The following ABCA10 variants were observed in gnomAD, a reference collection of about 807,000 sequenced individuals.
ABCA10 encodes the protein ATP-binding cassette sub-family A member 10.
In ABCA10, 169 loss-of-function variants were observed where a neutral mutation model predicts 187.5. The ratio of observed to expected loss-of-function variants is 0.90; its 90% CI spans 0.80 to 1.02. The LOEUF is 1.02. Among genes scored for constraint, ABCA10 ranks in the 50% least tolerant of loss-of-function variants. The probability of loss-of-function intolerance (pLI) is 0.00; values close to 1 mark genes in which losing one functional copy is unlikely to be tolerated. For synonymous variants in ABCA10, 574 were observed against 601.8 expected, an observed-to-expected ratio of 0.95 and a Z score of 0.68; for missense variants, 1,727 against 1,812.4, an observed-to-expected ratio of 0.95 and a Z score of 0.86.
intron 9 of ABCA10, among the ~76,000 whole-genome samples, chr17:69,202,796 G>T (rs8078720): frequency 2.0e-5 from 3 of 152,194 alleles, no homozygotes; most frequent in Admixed American, 2.0e-4. Flanking sequence ...TTAGAGTAGA[G>T]AATACAAGTG....
At chr17:69,225,116 A>AAAAC (rs145436046) in intron 3 of ABCA10, among the ~76,000 whole-genome samples, 3 of 151,450 alleles carry the variant, frequency 2.0e-5, no homozygotes, top group African/African-American at 7.3e-5. Context: ...CATATCATTA[A>AAAAC]AAACAAACAA....
chr17:69,154,520 G>C (rs1350945042), intron 30 of ABCA10, among the ~76,000 whole-genome samples, 194 bp from the exon 31 acceptor site: 3 of 150,894 alleles, frequency 2.0e-5, no homozygotes, highest in African/African-American at 7.3e-5. Flanking sequence ...GATCTCCTGG[G>C]CTCAAGCGAT....
chr17:69,176,491 A>C (rs1047698082), intron 22 of ABCA10, among the ~76,000 whole-genome samples: 1 of 152,126 alleles, frequency 6.6e-6, no homozygotes, highest in African/African-American at 2.4e-5. Context: ...GGCAAAAAAG[A>C]AGCAATGAAA....
intron 36 of ABCA10, among the ~76,000 whole-genome samples, chr17:69,151,467 A>G (rs2074127733): frequency 6.6e-6 from 1 of 152,210 alleles, no homozygotes; most frequent in African/African-American, 2.4e-5. Flanking sequence ...ATGAGTAGAA[A>G]TGGTATACAA....
In ABCA10 at chr17:69,183,956, G is replaced by A. The variant is rs8072067; in HGVS notation, c.2498-1148C>T. ...GGAGAGCCCTGCTTGCTTTCTCAAAGGGAGTCTTGTAGCATGGGGTGAGTT... is the reference window on the plus strand; with the variant it reads ...GGAGAGCCCTGCTTGCTTTCTCAAAAGGAGTCTTGTAGCATGGGGTGAGTT... On this transcript the variant is annotated intron_variant, in intron 20 of 38. Coordinates refer to ENST00000690296, the MANE Select transcript of ABCA10 (RefSeq NM_001377321.1). Among the ~76,000 whole-genome samples, 73 of 152,246 alleles carry A rather than the reference G, an allele frequency of 4.8e-4. 1 individual carries two copies. Among genetic ancestry groups the A allele is most frequent in the African/African-American group, 1.7e-3 (72 of 41,544 alleles).
chr17:69,233,209 T>G (rs2074843080), upstream of ABCA10: 1 of 152,146 alleles, frequency 6.6e-6, no homozygotes, highest in Non-Finnish European at 1.5e-5. Flanking sequence ...TATTTTCTCT[T>G]TTAATGTTGT....
chr17:69,176,462 A>G (rs1230197854), intron 22 of ABCA10, among the ~76,000 whole-genome samples: 1 of 152,122 alleles, frequency 6.6e-6, no homozygotes, highest in Non-Finnish European at 1.5e-5. Flanking sequence ...TTTGTCATAA[A>G]TGCAGGTGCA....
At chr17:69,179,056 C>T (rs1348058859) in intron 22 of ABCA10, 2 of 152,038 alleles carry the variant, frequency 1.3e-5, no homozygotes, top group South Asian at 2.1e-4. Flanking sequence ...CCTCTGTTTT[C>T]TGATTCGGTT....
At chr17:69,188,007 CA>C in intron 18 of ABCA10, 128 bp from the exon 19 acceptor site, 2 of 788,764 alleles carry the variant, frequency 2.5e-6, no homozygotes, top group Non-Finnish European at 2.0e-6. Flanking sequence ...TATCCATAAT[CA>C]AAATTTACGT....
chr17:69,192,736 T>C (rs1004513697), intron 15 of ABCA10, 83 bp from the exon 16 acceptor site: 2 of 1,185,502 alleles, frequency 1.7e-6, no homozygotes, highest in Non-Finnish European at 2.4e-6. Flanking sequence ...ACTAAAACAC[T>C]GAATGAAATT....
At position 69,193,944 on chromosome 17, in the gene ABCA10, A is replaced by C. The variant is rs754375360; in HGVS notation, c.1391T>G (p.Met464Arg). 2.9e-5 allele frequency: 46 copies of C among 1,611,104 alleles called. No homozygotes were observed. Among genetic ancestry groups the C allele is most frequent in the Non-Finnish European group, 3.9e-5 (46 of 1,178,318 alleles). ...YNTQLSEITD[M>R]EEIRKNIGFC... The stretch of plus-strand genomic sequence containing the variant: ...TCCAATATTCTTTCTAATTTCTTCC[A>C]TGTCAGTTATTTCAGAGAGTTGAGT... Residue 464 changes from methionine to arginine, a missense_variant, in exon 13 of 39, where the codon ATG (methionine) becomes AGG (arginine). Physicochemically the swap from Met to Arg is moderately conservative, Grantham distance 91. Coordinates refer to ENST00000690296, the MANE Select transcript of ABCA10 (RefSeq NM_001377321.1).
At position 69,199,826 on chromosome 17, in the gene ABCA10, G is replaced by T. The variant is rs973364039; in HGVS notation, c.1175+1674C>A. Among the ~76,000 whole-genome samples, 3 of 152,218 alleles carry T rather than the reference G, an allele frequency of 2.0e-5. No homozygotes were observed. The South Asian group carries it at 6.2e-4, about 32-fold the overall frequency. The stretch of plus-strand genomic sequence containing the variant: ...ATATAATTTAGTCCTAATTTAATTT[G>T]TTATGTGCAACAATACTAAATTTTC... On this transcript the variant is annotated intron_variant, in intron 10 of 38. Coordinates refer to ENST00000690296, the MANE Select transcript of ABCA10 (RefSeq NM_001377321.1).
At chr17:69,243,151 A>T (rs929673450) in intron 1 of ABCA10, among the ~76,000 whole-genome samples, 1 of 152,216 alleles carries the variant, frequency 6.6e-6, no homozygotes, top group East Asian at 1.9e-4. Flanking sequence ...TAGCTCTTTT[A>T]TTGGCAAATG....
At chr17:69,241,235 C>T (rs1006385819) in intron 1 of ABCA10, among the ~76,000 whole-genome samples, 2 of 152,182 alleles carry the variant, frequency 1.3e-5, no homozygotes, top group African/African-American at 4.8e-5. Flanking sequence ...GTGTCATTGA[C>T]TCCCTTTCTC....
chr17:69,160,402 A>T (rs1477389902), intron 27 of ABCA10, among the ~76,000 whole-genome samples: 1 of 152,088 alleles, frequency 6.6e-6, no homozygotes, highest in Non-Finnish European at 1.5e-5. Flanking sequence ...AGGTCAGGAG[A>T]TTGAGACCAT....
chr17:69,224,096 C>T (rs1367666627), intron 3 of ABCA10, among the ~76,000 whole-genome samples: 6 of 152,072 alleles, frequency 3.9e-5, no homozygotes, highest in Non-Finnish European at 8.8e-5. Flanking sequence ...GTCAAAGCTC[C>T]AGAAACTGCA....
chr17:69,151,005 C>T (rs1439153771), intron 36 of ABCA10, among the ~76,000 whole-genome samples: 1 of 152,132 alleles, frequency 6.6e-6, no homozygotes, highest in Non-Finnish European at 1.5e-5. Context: ...TTGTTGGCCT[C>T]AACATTCTCC....
intron 2 of ABCA10, among the ~76,000 whole-genome samples, chr17:69,226,195 GGAA>G (rs1362740200): frequency 6.6e-6 from 1 of 151,904 alleles, no homozygotes; most frequent in Non-Finnish European, 1.5e-5. Context: ...TATATTTTAG[GGAA>G]GAAGAGGAGA....
At chr17:69,217,768 T>TG (rs1477980554) in intron 6 of ABCA10, among the ~76,000 whole-genome samples, 1 of 152,208 alleles carries the variant, frequency 6.6e-6, no homozygotes, top group Admixed American at 6.5e-5. Context: ...TTGGGATACT[T>TG]GCATTTGGCA....
Sources: gnomAD v4.1 joint callset for allele counts (sites outside exome capture counted in the v4.1 genomes callset) on GRCh38, gnomAD v4.1.1 for gene constraint, MANE v1.5 for transcripts, NCBI Gene and HGNC (gene_info 2026-07-23, HGNC 2026-07-21) for gene names.